DDX1: variants seen among roughly 807,000 people sequenced by gnomAD.
DDX1 encodes ATP-dependent RNA helicase DDX1.
Under a neutral mutation model 108.7 loss-of-function variants are expected in DDX1, and 28 were observed. That is an observed-to-expected ratio of 0.26 (90% CI 0.19 to 0.35). DDX1 has a LOEUF of 0.35. Ranked by LOEUF, DDX1 falls within the 10% of genes least tolerant of loss-of-function variation. DDX1 has a pLI of 1.00. For missense variants in DDX1, 710 were observed against 884.5 expected (o/e 0.80, Z 2.50); for synonymous variants, 295 against 288.9 (o/e 1.02, Z -0.21).
intron 25 of DDX1, 27 bp from the exon 26 acceptor site, chr2:15,630,749 T>C: frequency 6.3e-7 from 1 of 1,599,796 alleles, no homozygotes; most frequent in Non-Finnish European, 8.6e-7. Context: ...GTCATTTACA[T>C]TACTTTGTTA....
At position 15,630,981 on chromosome 2, in the gene DDX1, C is replaced by A; in HGVS notation, c.*75C>A. 1 of 1,429,524 alleles carries A rather than the reference C, an allele frequency of 7.0e-7. No homozygotes were observed. 88.6% of individuals were successfully genotyped at this position (1,429,524 alleles called of 1,614,324 possible). ...AAACTCTAAAACAGTTGTACTGCTTCCAAGCAGCAGTATTTATAGTAACGT... is the reference window on the plus strand; with the variant it reads ...AAACTCTAAAACAGTTGTACTGCTTACAAGCAGCAGTATTTATAGTAACGT... On this transcript the variant is annotated 3_prime_UTR_variant, in exon 26 of 26. Coordinates refer to ENST00000233084, the MANE Select transcript of DDX1 (RefSeq NM_004939.3).
In DDX1 at chr2:15,604,491, G is replaced by C. The variant is rs137946800; in HGVS notation, c.607G>C (p.Val203Leu). 1.3e-4 allele frequency: 216 copies of C among 1,607,116 alleles called. 3 individuals carry two copies. In the East Asian group the frequency reaches 2.4e-3, roughly 18 times the overall value. Residue 203 changes from valine (V) to leucine (L), a missense_variant, in exon 10 of 26, where the codon GTC becomes CTC. Coordinates refer to ENST00000233084, the MANE Select transcript of DDX1 (RefSeq NM_004939.3). ...TTACCTGGATATAGATAAGGGACATGTCAAGTTCTCCAAAAATGGTAAGCT... is the reference window on the plus strand; with the variant it reads ...TTACCTGGATATAGATAAGGGACATCTCAAGTTCTCCAAAAATGGTAAGCT... ...GCYLDIDKGHVKFSKNGKDLG... is the reference protein window; with the variant it reads ...GCYLDIDKGHLKFSKNGKDLG...
chr2:15,597,357 C>G lies in DDX1; in HGVS notation c.163-18C>G. 1 of 1,497,866 alleles carries G rather than the reference C, an allele frequency of 6.7e-7. No individual in the cohort carries two copies. The highest frequency in any genetic ancestry group is 9.2e-7 in the Non-Finnish European group (1 of 1,091,224). The allele number at this position is 1,497,866 out of a possible 1,614,324, so 92.8% of individuals were successfully genotyped here. A position where few individuals can be genotyped will look rare whatever the true frequency, so the allele number is the denominator to read the frequency against. ...AATATGTGAATACTAATATAGATACCTTTTGTTTCTTTGATAGGCTTTTAG... is the reference window on the plus strand; with the variant it reads ...AATATGTGAATACTAATATAGATACGTTTTGTTTCTTTGATAGGCTTTTAG... On this transcript the variant is annotated intron_variant, in intron 4 of 25. Coordinates refer to ENST00000233084, the MANE Select transcript of DDX1 (RefSeq NM_004939.3).
At chr2:15,599,546 C>T in intron 5 of DDX1, 123 bp from the exon 6 acceptor site, 1 of 573,126 alleles carries the variant, frequency 1.7e-6, no homozygotes, top group East Asian at 3.2e-5. Context: ...CTCCTGACCT[C>T]AAGTGAACCA....
Position 15,630,668 on chromosome 2 carries a change from T to G in DDX1, c.2093-108T>G, listed in dbSNP as rs1365306635. ...GGAGATAACTTGCCCAGTAGTACAT[T>G]TTATTGCTGCAAGCAAAGTTTAAAG... On this transcript the variant is annotated intron_variant, in intron 25 of 25. Coordinates refer to ENST00000233084, the MANE Select transcript of DDX1 (RefSeq NM_004939.3). 13 of 1,210,318 alleles carry G rather than the reference T, an allele frequency of 1.1e-5. No homozygotes were observed. In the East Asian group the frequency reaches 2.6e-4, roughly 24 times the overall value. 75.0% of individuals were successfully genotyped at this position (1,210,318 alleles called of 1,614,324 possible). A position where few individuals can be genotyped will look rare whatever the true frequency, so the allele number is the denominator to read the frequency against.
Position 15,620,342 on chromosome 2 carries a change from A to T in DDX1, c.1341A>T (p.Pro447=), listed in dbSNP as rs146917706. Residue 447 remains proline, a synonymous_variant, in exon 17 of 26, where the codon CCA becomes CCT. Coordinates refer to ENST00000233084, the MANE Select transcript of DDX1 (RefSeq NM_004939.3). ...ATACTGTACACCATGTTGTTGTCCC[A>T]GTAAATCCCAAAACTGACAGACTCT... The part of the protein sequence containing the change: ...VPDTVHHVVV[P]VNPKTDRLWE... 7.1e-4 allele frequency: 1,153 copies of T among 1,614,034 alleles called. 6 individuals are homozygous for T. The African/African-American group carries it at 0.014, about 19-fold the overall frequency.
At chr2:15,603,467 G>C (rs1665618554) in intron 8 of DDX1, among the ~76,000 whole-genome samples, 192 bp downstream of exon 8, 1 of 152,192 alleles carries the variant, frequency 6.6e-6, no homozygotes, top group Non-Finnish European at 1.5e-5. Context: ...AGATATTATA[G>C]CAGTATGAAA....
chr2:15,613,674 G>C (rs1665840717), intron 14 of DDX1, among the ~76,000 whole-genome samples: 1 of 152,086 alleles, frequency 6.6e-6, no homozygotes, highest in Non-Finnish European at 1.5e-5. Flanking sequence ...CTCTTGGGAA[G>C]GATGAATAAT....
Position 15,605,916 on chromosome 2 carries a change from T to G in DDX1, c.626-34T>G, listed in dbSNP as rs181240466. 536 of 1,415,298 alleles carry G rather than the reference T, an allele frequency of 3.8e-4. No individual in the cohort carries two copies. The African/African-American group carries it at 5.0e-3, about 13-fold the overall frequency. The allele number at this position is 1,415,298 out of a possible 1,614,324, so 87.7% of individuals were successfully genotyped here. On this transcript the variant is annotated intron_variant, in intron 10 of 25. Coordinates refer to ENST00000233084, the MANE Select transcript of DDX1 (RefSeq NM_004939.3). ...CAGCATGAGGAAGGTCTTTTCTGAT[T>G]GTTTTAATCTCTCTCTCTCTCTTGT...
Position 15,628,501 on chromosome 2 carries a change from C to T in DDX1, c.1743C>T (p.Ile581=). 6.2e-7 allele frequency: 1 copy of T among 1,612,898 alleles called. No homozygotes were observed. The highest frequency in any genetic ancestry group is 8.5e-7 in the Non-Finnish European group (1 of 1,179,052). ...ATGTAGCTGCTAGAGGAATTGATATCCACGGTGTTCCTTATGGTAAAAAGC... is the reference window on the plus strand; with the variant it reads ...ATGTAGCTGCTAGAGGAATTGATATTCACGGTGTTCCTTATGGTAAAAAGC... ...CTDVAARGID[I]HGVPYVINVT... is the part of the protein sequence containing the mutation. Residue 581 remains isoleucine (I), a synonymous_variant, in exon 21 of 26, where the codon ATC becomes ATT. Coordinates refer to ENST00000233084, the MANE Select transcript of DDX1 (RefSeq NM_004939.3).
Position 15,627,034 on chromosome 2 carries a change from C to T in DDX1, c.1595-20C>T, listed in dbSNP as rs1344703059. 2 of 1,539,708 alleles carry T rather than the reference C, an allele frequency of 1.3e-6. No individual in the cohort carries two copies. The highest frequency in any genetic ancestry group is 2.3e-5 in the East Asian group (1 of 44,372). ...GCAGAAGATTTTCCAAGGTTAAATG[C>T]TTAATGTGCTTTTCACTAGGACCTG... On this transcript the variant is annotated intron_variant, in intron 19 of 25. Coordinates refer to ENST00000233084, the MANE Select transcript of DDX1 (RefSeq NM_004939.3).
intron 7 of DDX1, 127 bp downstream of exon 7, chr2:15,602,758 G>T: frequency 1.5e-6 from 1 of 663,290 alleles, no homozygotes; most frequent in African/African-American, 1.8e-5. Context: ...GGAGGGCCCG[G>T]GCTGGAGGGC....
At chr2:15,612,415 C>G (rs1464947050) in intron 13 of DDX1, among the ~76,000 whole-genome samples, 2 of 151,464 alleles carry the variant, frequency 1.3e-5, no homozygotes, top group South Asian at 2.1e-4. Flanking sequence ...GGATGGCGGC[C>G]GGGAAGAGGC....
intron 5 of DDX1, among the ~76,000 whole-genome samples, chr2:15,598,015 T>G (rs1262176614): frequency 6.6e-6 from 1 of 152,168 alleles, no homozygotes; most frequent in Non-Finnish European, 1.5e-5. Flanking sequence ...TCTACCGTAA[T>G]CAATCTTACC....
At chr2:15,624,129 CATGGAGCATACCCAAA>C (rs1666058501) in intron 19 of DDX1, among the ~76,000 whole-genome samples, 1 of 152,208 alleles carries the variant, frequency 6.6e-6, no homozygotes, top group South Asian at 2.1e-4. Context: ...ACGCTGTTTA[CATGGAGCATACCCAAA>C]ATCTGAGGAC....
chr2:15,599,543 C>G (rs1182669526), intron 5 of DDX1, 126 bp from the exon 6 acceptor site: 1 of 543,080 alleles, frequency 1.8e-6, no homozygotes, highest in East Asian at 3.3e-5. Context: ...GAACTCCTGA[C>G]CTCAAGTGAA....
At chr2:15,612,468 T>G (rs987341524) in intron 13 of DDX1, among the ~76,000 whole-genome samples, 2 of 146,708 alleles carry the variant, frequency 1.4e-5, no homozygotes, top group Non-Finnish European at 3.0e-5. Flanking sequence ...GAAGAGGTGC[T>G]CCTCACTTCC....
In DDX1 at chr2:15,630,783, C is replaced by CTTA; in HGVS notation, c.2101_2102insTAT (p.Ser700_Tyr701insLeu). On this transcript the variant is annotated inframe_insertion, in exon 26 of 26. Coordinates refer to ENST00000233084, the MANE Select transcript of DDX1 (RefSeq NM_004939.3). ...TATTTGTGTGTGATGCAGGTGGAAG[C>CTTA]TATAAAGGCCATGTGGATATTTTGG... 2 of 1,613,302 alleles carry CTTA rather than the reference C, an allele frequency of 1.2e-6. No individual in the cohort carries two copies. The highest frequency in any genetic ancestry group is 1.7e-6 in the Non-Finnish European group (2 of 1,179,464).
At chr2:15,624,139 A>ACG (rs1220886394) in intron 19 of DDX1, among the ~76,000 whole-genome samples, 1 of 152,204 alleles carries the variant, frequency 6.6e-6, no homozygotes, top group Non-Finnish European at 1.5e-5. Flanking sequence ...CATGGAGCAT[A>ACG]CCCAAAATCT....
Sources: allele counts gnomAD v4.1 joint callset (sites outside exome capture counted in the v4.1 genomes callset), GRCh38; gene constraint gnomAD v4.1.1; transcripts MANE v1.5; gene names NCBI Gene and HGNC (gene_info 2026-07-23, HGNC 2026-07-21).